Variants in SLC26A11 observed in about 807,000 individuals in gnomAD.
SLC26A11 encodes solute carrier family 26 member 11.
A neutral mutation model predicts 62.2 loss-of-function variants in SLC26A11; 58 were observed. The ratio of observed to expected loss-of-function variants is 0.93; its 90% CI spans 0.76 to 1.16. The LOEUF is 1.16. Among genes scored for constraint, SLC26A11 ranks in the 50% most tolerant of loss-of-function variants. The pLI, the probability that SLC26A11 is intolerant of heterozygous loss-of-function variation, is 0.00. For missense variants in SLC26A11, 790 were observed against 794.3 expected, an observed-to-expected ratio of 0.99 and a Z score of 0.06; for synonymous variants, 411 against 368.9, an observed-to-expected ratio of 1.11 and a Z score of -1.31.
At position 80,223,217 on chromosome 17, in the gene SLC26A11, C is replaced by G; in HGVS notation, c.428-35C>G. ...CTCATCCTCTGGGACTGGGTGGAGCCGGGACCAGCTCGATGTCCCCTCTTG... is the reference window on the plus strand; with the variant it reads ...CTCATCCTCTGGGACTGGGTGGAGCGGGGACCAGCTCGATGTCCCCTCTTG... On this transcript the variant is annotated intron_variant, in intron 4 of 17. Transcript: ENST00000361193. This position sits in a 1 kb window ranked among gnomAD's most constrained non-coding sequence, Gnocchi z 4.6. 1 of 1,588,192 alleles carries G rather than the reference C, an allele frequency of 6.3e-7. No homozygotes were observed. The highest frequency in any genetic ancestry group is 8.6e-7 in the Non-Finnish European group (1 of 1,156,954).
chr17:80,225,847 G>T lies in SLC26A11; in HGVS notation c.524G>T (p.Gly175Val). The T allele has an allele frequency of 6.2e-7, 1 of 1,613,890 alleles. No homozygotes were observed. Among genetic ancestry groups the T allele is most frequent in the Non-Finnish European group, 8.5e-7 (1 of 1,179,890 alleles). ...IGFGQIKNLLGLQNIPRPFFL... is the reference protein window; with the variant it reads ...IGFGQIKNLLVLQNIPRPFFL... Reference sequence around the variant, plus strand: ...TCTGTGTTTGGACAGAACCTGCTGGGACTACAGAACATCCCCAGGCCGTTC... The same window carrying T: ...TCTGTGTTTGGACAGAACCTGCTGGTACTACAGAACATCCCCAGGCCGTTC... The change falls in exon 6 of 18, where the codon GGA becomes GTA. Residue 175 changes from glycine to valine, a missense_variant. By Grantham distance (109) the Gly-to-Val change is moderately radical. Coordinates refer to ENST00000361193, the MANE Select transcript of SLC26A11 (RefSeq NM_001166347.2).
In SLC26A11 at chr17:80,245,273, C is replaced by T; in HGVS notation, c.1097+17C>T. On this transcript the variant is annotated intron_variant, in intron 11 of 17. Transcript: ENST00000361193. ...CTTTGGACGGTGAGTGACCTGTCCG[C>T]CTCTTCTGTTTGCCCACGTTGGACG... 1.9e-6 allele frequency: 3 copies of T among 1,613,574 alleles called. No individual in the cohort carries two copies. The highest frequency in any genetic ancestry group is 2.2e-5 in the East Asian group (1 of 44,854).
Position 80,228,093 on chromosome 17 carries a change from A to G in SLC26A11, c.736+133A>G, listed in dbSNP as rs1394867687. 3.2e-6 allele frequency: 2 copies of G among 630,472 alleles called. No homozygotes were observed. The highest frequency in any genetic ancestry group is 5.3e-6 in the Non-Finnish European group (2 of 375,292). The allele number at this position is 630,472 out of a possible 1,614,324, so 39.1% of individuals were successfully genotyped here. ...ACTTGAGCATTGGGACATTTAAAAC[A>G]CCACACCAAACTCTGGGACATGTAC... On this transcript the variant is annotated intron_variant, in intron 7 of 17. Transcript: ENST00000361193. This position sits in a 1 kb window ranked among gnomAD's most constrained non-coding sequence, Gnocchi z 4.1.
At position 80,223,191 on chromosome 17, in the gene SLC26A11, C is replaced by A; in HGVS notation, c.428-61C>A. 1 of 1,490,414 alleles carries A rather than the reference C, an allele frequency of 6.7e-7. No homozygotes were observed. Among genetic ancestry groups the A allele is most frequent in the East Asian group, 2.3e-5 (1 of 43,764 alleles). 92.3% of individuals were successfully genotyped at this position (1,490,414 alleles called of 1,614,324 possible). A position where few individuals can be genotyped will look rare whatever the true frequency, so the allele number is the denominator to read the frequency against. On this transcript the variant is annotated intron_variant, in intron 4 of 17. Transcript: ENST00000361193. The surrounding 1 kb of genome is among the most constrained non-coding windows in gnomAD (Gnocchi z 4.6). ...GCCACCTTCCCCAGCTCACATCTCC[C>A]CTCATCCTCTGGGACTGGGTGGAGC...
intron 6 of SLC26A11, among the ~76,000 whole-genome samples, chr17:80,226,667 C>T (rs927797981): frequency 6.6e-6 from 1 of 152,200 alleles, no homozygotes; most frequent in Admixed American, 6.5e-5. Flanking sequence ...CGCCACTGCA[C>T]TCCAGCCCGG....
At chr17:80,231,434 G>T (rs1299016839) in intron 7 of SLC26A11, among the ~76,000 whole-genome samples, 1 of 152,164 alleles carries the variant, frequency 6.6e-6, no homozygotes, top group Non-Finnish European at 1.5e-5. Flanking sequence ...AAAGTGCTGG[G>T]ATTACAGGCG....
At chr17:80,230,099 G>A (rs1445269180) in intron 7 of SLC26A11, among the ~76,000 whole-genome samples, 1 of 151,596 alleles carries the variant, frequency 6.6e-6, no homozygotes, top group Non-Finnish European at 1.5e-5. Context: ...GGAGGCTGAG[G>A]CAGGAGAATC....
intron 5 of SLC26A11, among the ~76,000 whole-genome samples, chr17:80,224,418 T>G (rs2042338301): frequency 7.3e-6 from 1 of 136,222 alleles, no homozygotes; most frequent in African/African-American, 2.8e-5. Flanking sequence ...TGAGTGTGAG[T>G]GAGTGAGAGT....
In SLC26A11 at chr17:80,252,127, A is replaced by G. The variant is rs565528209; in HGVS notation, c.1730-498A>G. On this transcript the variant is annotated intron_variant, in intron 17 of 17. Transcript: ENST00000361193. The surrounding 1 kb of genome is among the most constrained non-coding windows in gnomAD (Gnocchi z 5.2). ...GGTCTGAGCCGCAGCAGGTGTCAAC[A>G]AGAGGATGGGCCAGAGATGCAGAGC... is the stretch of plus-strand genomic sequence containing the variant. 6.6e-6 allele frequency among the ~76,000 whole-genome samples: 1 copy of G among 152,282 alleles called. No individual in the cohort carries two copies. Among genetic ancestry groups the G allele is most frequent in the Non-Finnish European group, 1.5e-5 (1 of 68,014 alleles).
chr17:80,238,071 C>G (rs1481145085), intron 9 of SLC26A11, among the ~76,000 whole-genome samples: 1 of 152,182 alleles, frequency 6.6e-6, no homozygotes, highest in Non-Finnish European at 1.5e-5. Context: ...TAAGTATTAT[C>G]TTTGGGCCAG....
At chr17:80,247,289 A>G (rs1257026886) in intron 13 of SLC26A11, among the ~76,000 whole-genome samples, 1 of 151,528 alleles carries the variant, frequency 6.6e-6, no homozygotes, top group Non-Finnish European at 1.5e-5. Context: ...TCTTTTCCCC[A>G]CCTTTCCCCC....
At chr17:80,244,580 T>C (rs1471720419) in intron 10 of SLC26A11, among the ~76,000 whole-genome samples, 1 of 152,126 alleles carries the variant, frequency 6.6e-6, no homozygotes, top group Non-Finnish European at 1.5e-5. Context: ...GGTGGCTCAC[T>C]CCTGTGATCC....
intron 10 of SLC26A11, 41 bp from the exon 11 acceptor site, chr17:80,245,155 T>A: frequency 6.3e-7 from 1 of 1,595,064 alleles, no homozygotes; most frequent in Non-Finnish European, 8.6e-7. Flanking sequence ...CCATCCTGTG[T>A]GCCTTCCCTC....
In SLC26A11 at chr17:80,227,880, G is replaced by A. The variant is rs780881251; in HGVS notation, c.656G>A (p.Arg219Gln). The A allele has an allele frequency of 7.5e-6, 12 of 1,602,200 alleles. No homozygotes were observed. The highest frequency in any genetic ancestry group is 6.7e-5 in the East Asian group (3 of 44,880). Residue 219 changes from arginine to glutamine, a missense_variant, in exon 7 of 18, where the codon CGG becomes CAG. Coordinates refer to ENST00000361193, the MANE Select transcript of SLC26A11 (RefSeq NM_001166347.2). ...CTGCTGCTGGTGCTGAAGCTGATGC[G>A]GGACCACGTGCCTCCCGTCCACCCC... ...MLLLLVLKLM[R>Q]DHVPPVHPEM... is the part of the protein sequence containing the mutation.
chr17:80,233,415 C>A (rs557328943), intron 7 of SLC26A11, among the ~76,000 whole-genome samples: 1 of 152,222 alleles, frequency 6.6e-6, no homozygotes, highest in African/African-American at 2.4e-5. Flanking sequence ...CAGATGTGAG[C>A]CACCATTCCC....
intron 6 of SLC26A11, among the ~76,000 whole-genome samples, chr17:80,226,240 G>C (rs2042407162): frequency 1.3e-5 from 2 of 152,162 alleles, no homozygotes; most frequent in Admixed American, 1.3e-4. Context: ...GGGAGAGTCT[G>C]TGTAAAGAAA....
rs923510681 is a variant in SLC26A11 at position 80,225,917 on chromosome 17, G to T, written c.593+1G>T. The T allele has an allele frequency of 6.2e-7, 1 of 1,613,772 alleles. No individual in the cohort carries two copies. The highest frequency in any genetic ancestry group is 8.5e-7 in the Non-Finnish European group (1 of 1,179,788). ...CCTTCCTCAGGATTGCAGAGACCAG[G>T]TACCCCGGGCTTTGTTCCTCCCTCC... On this transcript the variant is annotated splice_donor_variant, in intron 6 of 17. Transcript: ENST00000361193. LOFTEE classifies it high-confidence loss of function.
rs926725408 is a variant in SLC26A11 at position 80,221,671 on chromosome 17, G to T, written c.111G>T (p.Leu37=). 1 of 1,613,186 alleles carries T rather than the reference G, an allele frequency of 6.2e-7. No homozygotes were observed. Among genetic ancestry groups the T allele is most frequent in the Non-Finnish European group, 8.5e-7 (1 of 1,180,004 alleles). ...PAALQRRLPI[L]AWLPSYSLQW... Reference sequence around the variant, plus strand: ...CCCTGCAGAGGAGGCTGCCCATCCTGGCGTGGCTGCCCAGCTACTCCCTGC... The same window carrying T: ...CCCTGCAGAGGAGGCTGCCCATCCTTGCGTGGCTGCCCAGCTACTCCCTGC... The change falls in exon 3 of 18, where the codon CTG becomes CTT. Residue 37 remains leucine, a synonymous_variant. Transcript: ENST00000361193.
intron 10 of SLC26A11, 43 bp downstream of exon 10, chr17:80,241,864 T>A (rs2042874091): frequency 6.2e-7 from 1 of 1,609,350 alleles, no homozygotes; most frequent in African/African-American, 1.3e-5. Context: ...GCTGTGGGCC[T>A]CCAGGGTCCC....
Sources: gnomAD v4.1 joint callset for allele counts (sites outside exome capture counted in the v4.1 genomes callset) on GRCh38, gnomAD v4.1.1 for gene constraint, Gnocchi (gnomAD v3.1) non-coding constraint, MANE v1.5 for transcripts, NCBI Gene and HGNC (gene_info 2026-07-23, HGNC 2026-07-21) for gene names.